Variants in HERC5 observed in about 807,000 individuals in gnomAD.
HERC5 encodes the protein E3 ISG15--protein ligase HERC5.
In HERC5, 99 loss-of-function variants were observed where a neutral mutation model predicts 119.6. The observed-to-expected ratio is 0.83, with a 90% CI of 0.70 to 0.98. The LOEUF (loss-of-function observed/expected upper bound fraction) is 0.98, where lower values mean the gene tolerates loss of function less well. Ranked by LOEUF, HERC5 falls within the 50% of genes least tolerant of loss-of-function variation. The pLI, the probability that HERC5 is intolerant of heterozygous loss-of-function variation, is 0.00. For synonymous variants in HERC5, 478 were observed against 445.9 expected (o/e 1.07, Z -0.91); for missense variants, 1,267 against 1,241.3 (o/e 1.02, Z -0.31).
At position 88,504,397 on chromosome 4, in the gene HERC5, T is replaced by C. The variant is rs1367425217; in HGVS notation, c.2748T>C (p.Asp916=). Residue 916 remains aspartate, a synonymous_variant, in exon 21 of 23, where the codon GAT becomes GAC. Coordinates refer to ENST00000264350, the MANE Select transcript of HERC5 (RefSeq NM_016323.4). ...KDVIVGNTDY[D]WKTFEKNARY... ...TGATTGTTGGAAATACAGATTATGA[T>C]TGGAAAACATTTGAAAAGGTACATC... 2 of 1,602,026 alleles carry C rather than the reference T, an allele frequency of 1.2e-6. No individual in the cohort carries two copies. The highest frequency in any genetic ancestry group is 1.3e-5 in the African/African-American group (1 of 74,752).
chr4:88,467,174 A>G lies in HERC5; in HGVS notation c.1027A>G (p.Lys343Glu). 2 of 1,614,214 alleles carry G rather than the reference A, an allele frequency of 1.2e-6. No individual in the cohort carries two copies. The highest frequency in any genetic ancestry group is 1.7e-6 in the Non-Finnish European group (2 of 1,180,024). Reference sequence around the variant, plus strand: ...TGACCAGCTGATGCCGCTTCCAGTGAAAGTATCATCAAGTGAAGAACTCAA... The same window carrying G: ...TGACCAGCTGATGCCGCTTCCAGTGGAAGTATCATCAAGTGAAGAACTCAA... ...TRDQLMPLPVKVSSSEELKLE... is the reference protein window; with the variant it reads ...TRDQLMPLPVEVSSSEELKLE... The change falls in exon 7 of 23, where the codon AAA becomes GAA. Residue 343 changes from lysine to glutamate, a missense_variant. This residue lies in a region of HERC5 where 777 missense variants were observed against 758.0 expected (regional missense o/e 1.03). Coordinates refer to ENST00000264350, the MANE Select transcript of HERC5 (RefSeq NM_016323.4).
At chr4:88,463,827 C>T in intron 5 of HERC5, 28 bp from the exon 6 acceptor site, 2 of 1,608,900 alleles carry the variant, frequency 1.2e-6, no homozygotes, top group Non-Finnish European at 8.5e-7. Flanking sequence ...ATTTTTCTAG[C>T]ATCTGATATG....
At chr4:88,469,111 C>A in intron 8 of HERC5, 46 bp from the exon 9 acceptor site, 1 of 1,361,720 alleles carries the variant, frequency 7.3e-7, no homozygotes, top group Non-Finnish European at 1.0e-6. Flanking sequence ...GTGCCTATCT[C>A]TGATGTGTCT....
chr4:88,469,656 C>T (rs371685384), intron 9 of HERC5, among the ~76,000 whole-genome samples: 9 of 152,200 alleles, frequency 5.9e-5, no homozygotes, highest in Non-Finnish European at 1.2e-4. Context: ...GGATGAGGCT[C>T]ACTCACATTA....
rs780897377 is a variant in HERC5 at position 88,464,026 on chromosome 4, C to T, written c.911+41C>T. The T allele has an allele frequency of 5.8e-6, 9 of 1,543,828 alleles. 1 individual carries two copies. In the Admixed American group the frequency reaches 1.5e-4, roughly 25 times the overall value. On this transcript the variant is annotated intron_variant, in intron 6 of 22. Coordinates refer to ENST00000264350, the MANE Select transcript of HERC5 (RefSeq NM_016323.4). ...TCAATAAGAATTGATAAAATGAGTGCAGCAAACTAGATAGTAATTTAATAA... is the reference window on the plus strand; with the variant it reads ...TCAATAAGAATTGATAAAATGAGTGTAGCAAACTAGATAGTAATTTAATAA...
chr4:88,462,449 A>C, intron 4 of HERC5, 93 bp downstream of exon 4: 1 of 1,033,424 alleles, frequency 9.7e-7, no homozygotes, highest in Non-Finnish European at 1.5e-6. Flanking sequence ...TCAAATCTTC[A>C]CTTTCATTTT....
rs764845694 is a variant in HERC5 at position 88,500,012 on chromosome 4, G to A, written c.2511+20G>A. 1.4e-6 allele frequency: 2 copies of A among 1,461,658 alleles called. No individual in the cohort carries two copies. Among genetic ancestry groups the A allele is most frequent in the Admixed American group, 3.4e-5 (2 of 59,448 alleles). The allele number at this position is 1,461,658 out of a possible 1,614,324, so 90.5% of individuals were successfully genotyped here. On this transcript the variant is annotated intron_variant, in intron 19 of 22. Coordinates refer to ENST00000264350, the MANE Select transcript of HERC5 (RefSeq NM_016323.4). ...TTTAATGTGAGTAACAATAAAAGCA[G>A]ATAACAGATTAGTTTTAATCTGATT... is the stretch of plus-strand genomic sequence containing the variant.
Position 88,463,998 on chromosome 4 carries a change from G to A in HERC5, c.911+13G>A, listed in dbSNP as rs557403053. On this transcript the variant is annotated intron_variant, in intron 6 of 22. Transcript: ENST00000264350. Reference sequence around the variant, plus strand: ...TAGCATGTGGAAGGTAAGTTGTAAAGTATCAATAAGAATTGATAAAATGAG... The same window carrying A: ...TAGCATGTGGAAGGTAAGTTGTAAAATATCAATAAGAATTGATAAAATGAG... The A allele has an allele frequency of 1.1e-4, 171 of 1,606,256 alleles. 1 individual carries two copies. In the South Asian group the frequency reaches 1.9e-3, roughly 18 times the overall value.
chr4:88,470,764 T>C (rs1246535458), intron 10 of HERC5, 91 bp downstream of exon 10: 1 of 572,244 alleles, frequency 1.7e-6, no homozygotes, highest in Non-Finnish European at 3.0e-6. Flanking sequence ...AATAGCTGTG[T>C]GTTCATCCCT....
rs6832416 is a variant in HERC5, at chr4:88,501,886, C to T, written c.2582+901C>T. Among the ~76,000 whole-genome samples, 597 of 152,246 alleles carry T rather than the reference C, an allele frequency of 3.9e-3. 5 individuals carry two copies. Among genetic ancestry groups the T allele is most frequent in the African/African-American group, 0.014 (572 of 41,544 alleles). ...CAATCTTGGCTCACTGCAACCTCCG[C>T]CTCCCGGGTTCAAGCGATTCTCCTG... On this transcript the variant is annotated intron_variant, in intron 20 of 22. Transcript: ENST00000264350.
At chr4:88,467,606 G>A (rs987813961) in intron 7 of HERC5, among the ~76,000 whole-genome samples, 1 of 152,204 alleles carries the variant, frequency 6.6e-6, no homozygotes, top group Admixed American at 6.5e-5. Context: ...CGTATACCTG[G>A]CACTGAACTG....
At chr4:88,475,727 C>T in intron 11 of HERC5, 114 bp from the exon 12 acceptor site, 1 of 867,408 alleles carries the variant, frequency 1.2e-6, no homozygotes, top group South Asian at 1.5e-5. Flanking sequence ...AATGATTATT[C>T]TCATTTAGTA....
At chr4:88,492,888 C>A in intron 16 of HERC5, 124 bp from the exon 17 acceptor site, 1 of 797,566 alleles carries the variant, frequency 1.3e-6, no homozygotes, top group Non-Finnish European at 2.0e-6. Flanking sequence ...AGGATACTTA[C>A]CTCAGTGCCT....
intron 14 of HERC5, 152 bp downstream of exon 14, chr4:88,486,380 C>T (rs1741466677): frequency 3.7e-6 from 2 of 547,404 alleles, no homozygotes; most frequent in Middle Eastern, 3.0e-4. Flanking sequence ...GTCAGAGTTC[C>T]AGCAGAAAAG....
chr4:88,484,561 A>C, intron 13 of HERC5, among the ~76,000 whole-genome samples: 1 of 152,210 alleles, frequency 6.6e-6, no homozygotes, highest in East Asian at 1.9e-4. Flanking sequence ...TTTTTCCCCA[A>C]CTCAGCACCA....
chr4:88,477,280 G>A (rs1322891253), intron 12 of HERC5, among the ~76,000 whole-genome samples: 1 of 4,892 alleles, frequency 2.0e-4, no homozygotes, highest in Admixed American at 1.6e-3. Flanking sequence ...GGAAGGGGAA[G>A]GGAAGGGGAA....
rs564382614 is a variant in HERC5 at position 88,487,015 on chromosome 4, G to A, written c.1852-54G>A. 10 of 1,251,254 alleles carry A rather than the reference G, an allele frequency of 8.0e-6. No individual in the cohort carries two copies. In the South Asian group the frequency reaches 1.2e-4, roughly 15 times the overall value. 77.5% of individuals were successfully genotyped at this position (1,251,254 alleles called of 1,614,324 possible). On this transcript the variant is annotated intron_variant, in intron 14 of 22. Coordinates refer to ENST00000264350, the MANE Select transcript of HERC5 (RefSeq NM_016323.4). ...GGGATGTAAGGCTATGAGGTAAAGTGTAAGGTTTCTCTGTCCTTTAACTTA... is the reference window on the plus strand; with the variant it reads ...GGGATGTAAGGCTATGAGGTAAAGTATAAGGTTTCTCTGTCCTTTAACTTA...
chr4:88,479,392 A>C lies in HERC5; in HGVS notation c.1622A>C (p.Lys541Thr). 6.2e-7 allele frequency: 1 copy of C among 1,611,492 alleles called. No homozygotes were observed. Among genetic ancestry groups the C allele is most frequent in the Non-Finnish European group, 8.5e-7 (1 of 1,179,300 alleles). ...WATLQESTFS[K>T]LVQMFKTAVI... ...ACTCTGCAAGAATCCACTTTCAGCA[A>C]ACTGGTCCAGATGTTTAAAACAGCC... The change falls in exon 13 of 23, where the codon AAA becomes ACA. Residue 541 changes from lysine (K) to threonine (T), a missense_variant. Physicochemically the swap from Lys to Thr is moderately conservative, Grantham distance 78. Transcript: ENST00000264350.
At position 88,504,295 on chromosome 4, in the gene HERC5, A is replaced by G. The variant is rs766807084; in HGVS notation, c.2646A>G (p.Glu882=). 3 of 1,613,026 alleles carry G rather than the reference A, an allele frequency of 1.9e-6. No homozygotes were observed. In the South Asian group the frequency reaches 3.3e-5, roughly 18 times the overall value. The part of the protein sequence containing the change: ...IFNDSVKAVY[E]EFRRGFYKMC... ...ACGACTCTGTAAAGGCGGTTTATGA[A>G]GAATTTCGGAGAGGATTTTATAAAA... The change falls in exon 21 of 23, where the codon GAA becomes GAG. Residue 882 remains glutamate (E), a synonymous_variant. Transcript: ENST00000264350.
Sources: gnomAD v4.1 joint callset for allele counts (sites outside exome capture counted in the v4.1 genomes callset) on GRCh38, gnomAD v4.1.1 for gene constraint, gnomAD v4.1.1 regional missense constraint, MANE v1.5 for transcripts, NCBI Gene and HGNC (gene_info 2026-07-23, HGNC 2026-07-21) for gene names.